MLLT10: variants seen among roughly 807,000 people sequenced by gnomAD.
MLLT10 encodes protein AF-10.
MLLT10 carries 30 observed loss-of-function variants against 129.1 expected under a neutral mutation model. The observed-to-expected ratio is 0.23, with a 90% CI of 0.17 to 0.32. The LOEUF is 0.32. MLLT10 is among the 10% of genes least tolerant of loss of function. The pLI is 1.00. For synonymous variants in MLLT10, 490 were observed against 446.4 expected (o/e 1.10, Z -1.23); for missense variants, 1,119 against 1,268.3 (o/e 0.88, Z 1.79).
chr10:21,644,108 A>G (rs1056970141), intron 8 of MLLT10, among the ~76,000 whole-genome samples: 1 of 151,552 alleles, frequency 6.6e-6, no homozygotes, highest in African/African-American at 2.4e-5. Context: ...ACCTTTTCCT[A>G]TTTTATCATC....
chr10:21,663,464 C>T (rs1228698519), intron 9 of MLLT10, among the ~76,000 whole-genome samples: 1 of 149,850 alleles, frequency 6.7e-6, no homozygotes, highest in Non-Finnish European at 1.5e-5. Context: ...GCAACTTCTG[C>T]TTCCCGGGTT....
At chr10:21,621,506 A>G (rs1401410406) in intron 8 of MLLT10, among the ~76,000 whole-genome samples, 1 of 152,092 alleles carries the variant, frequency 6.6e-6, no homozygotes, top group Non-Finnish European at 1.5e-5. Flanking sequence ...CGGCCTCCCA[A>G]AGTGCTGGGA....
At chr10:21,719,416 G>T (rs549139419) in intron 14 of MLLT10, among the ~76,000 whole-genome samples, 5 of 152,232 alleles carry the variant, frequency 3.3e-5, no homozygotes, top group East Asian at 1.9e-4. Context: ...TGATGAAAAG[G>T]TTCAGTCACA....
intron 1 of MLLT10, 44 bp downstream of exon 1, chr10:21,534,564 G>C: frequency 1.4e-6 from 2 of 1,417,442 alleles, no homozygotes; most frequent in Non-Finnish European, 1.9e-6. Flanking sequence ...GGGCGCCGGG[G>C]CGGGCTCGGG....
intron 8 of MLLT10, among the ~76,000 whole-genome samples, chr10:21,645,586 A>G (rs2048395821): frequency 6.6e-6 from 1 of 152,132 alleles, no homozygotes; most frequent in Non-Finnish European, 1.5e-5. Context: ...ACTTGTCTTG[A>G]TGATTAGTGA....
intron 8 of MLLT10, among the ~76,000 whole-genome samples, chr10:21,630,359 G>A (rs755868030): frequency 2.6e-5 from 4 of 152,196 alleles, no homozygotes; most frequent in Non-Finnish European, 4.4e-5. Flanking sequence ...TAACTGCAAG[G>A]TTATGAAGAA....
chr10:21,565,400 C>T (rs1457416273), intron 3 of MLLT10, among the ~76,000 whole-genome samples: 3 of 152,118 alleles, frequency 2.0e-5, no homozygotes, highest in East Asian at 3.9e-4. Context: ...CTCCGCCTTC[C>T]GGATTGAAGC....
chr10:21,588,309 C>T (rs2042189152), intron 4 of MLLT10, among the ~76,000 whole-genome samples: 1 of 152,164 alleles, frequency 6.6e-6, no homozygotes, highest in Admixed American at 6.5e-5. Context: ...TCAAATGATC[C>T]TACTGCCTCG....
At chr10:21,701,315 G>A (rs1248884886) in intron 13 of MLLT10, among the ~76,000 whole-genome samples, 1 of 146,146 alleles carries the variant, frequency 6.8e-6, no homozygotes, top group African/African-American at 2.5e-5. Flanking sequence ...AGGGAGAGGG[G>A]GTCTCTGTCT....
rs550725364 is a variant in MLLT10, at chr10:21,743,234, G to A, written c.*1251G>A. On this transcript the variant is annotated 3_prime_UTR_variant, in exon 23 of 23. Transcript: ENST00000307729. ...ACCTCCACTGTGTACTTAGCTGGAA[G>A]AACATGTTAATTCTGCAATATGTTT... 4 of 228,260 alleles carry A rather than the reference G, an allele frequency of 1.8e-5. No homozygotes were observed. The highest frequency in any genetic ancestry group is 1.8e-4 in the South Asian group (1 of 5,480). The allele number at this position is 228,260 out of a possible 1,614,324, so 14.1% of individuals were successfully genotyped here. A position where few individuals can be genotyped will look rare whatever the true frequency, so the allele number is the denominator to read the frequency against.
At chr10:21,684,745 T>A (rs1336838712) in intron 13 of MLLT10, among the ~76,000 whole-genome samples, 1 of 152,222 alleles carries the variant, frequency 6.6e-6, no homozygotes, top group Non-Finnish European at 1.5e-5. Flanking sequence ...ATAACATTTA[T>A]ACTCCTTCAC....
chr10:21,638,389 G>A lies in MLLT10; in HGVS notation c.700-13284G>A, dbSNP rs376373284. 5.9e-5 allele frequency among the ~76,000 whole-genome samples: 9 copies of A among 152,078 alleles called. No homozygotes were observed. In the East Asian group the frequency reaches 7.7e-4, roughly 13 times the overall value. On this transcript the variant is annotated intron_variant, in intron 8 of 22. Coordinates refer to ENST00000307729, the MANE Select transcript of MLLT10 (RefSeq NM_001195626.3). ...TATACCTTCAGATGTCCAGGCAGTA[G>A]TGAACATACAGTTTAATTCCCCAAA... is the stretch of plus-strand genomic sequence containing the variant.
chr10:21,625,212 G>A (rs938686227), intron 8 of MLLT10: 7 of 1,488,440 alleles, frequency 4.7e-6, no homozygotes, highest in African/African-American at 1.4e-5. Flanking sequence ...GCAGCTTGGC[G>A]CTCTTTCCTT....
rs559202233 is a variant in MLLT10 at position 21,667,082 on chromosome 10, T to A, written c.796-3367T>A. On this transcript the variant is annotated intron_variant, in intron 9 of 22. Coordinates refer to ENST00000307729, the MANE Select transcript of MLLT10 (RefSeq NM_001195626.3). ...ATTTTGTATTTGTTTTAGAAAGATA[T>A]TTTATAATAGCTGCCTGTGGAATTC... Among the ~76,000 whole-genome samples the A allele has an allele frequency of 1.3e-3, 194 of 152,286 alleles. 2 individuals carry two copies. Among genetic ancestry groups the A allele is most frequent in the African/African-American group, 4.4e-3 (182 of 41,576 alleles).
intron 3 of MLLT10, among the ~76,000 whole-genome samples, chr10:21,567,500 G>A (rs1443452004): frequency 5.3e-5 from 8 of 152,166 alleles, no homozygotes; most frequent in Non-Finnish European, 1.2e-4. Flanking sequence ...GATGGTGGTG[G>A]AAGTCCAGTC....
In MLLT10 at chr10:21,730,381, TTAATTTA is replaced by T. The variant is rs565598286; in HGVS notation, c.2064-515_2064-509del. ...GAAAATACTTGAAAATGAGTAATTT[TTAATTTA>T]TAACAAAAGGCTGCTTTAAGATTCT... On this transcript the variant is annotated intron_variant, in intron 16 of 22. Coordinates refer to ENST00000307729, the MANE Select transcript of MLLT10 (RefSeq NM_001195626.3). Among the ~76,000 whole-genome samples the T allele has an allele frequency of 1.4e-4, 21 of 152,284 alleles. No homozygotes were observed. The South Asian group carries it at 4.3e-3, about 32-fold the overall frequency.
intron 17 of MLLT10, among the ~76,000 whole-genome samples, chr10:21,732,081 G>T (rs146317886): frequency 1.5e-3 from 234 of 152,204 alleles, no homozygotes; most frequent in Non-Finnish European, 2.9e-3. Context: ...TGGAGGGGAG[G>T]GATAAAAGTT....
At chr10:21,554,110 A>G (rs954044223) in intron 3 of MLLT10, among the ~76,000 whole-genome samples, 1 of 152,184 alleles carries the variant, frequency 6.6e-6, no homozygotes, top group Non-Finnish European at 1.5e-5. Flanking sequence ...CTGTTTTGGA[A>G]TGTGAGTTTA....
chr10:21,598,116 A>T (rs1291061238), intron 5 of MLLT10, among the ~76,000 whole-genome samples: 2 of 151,826 alleles, frequency 1.3e-5, no homozygotes, highest in African/African-American at 2.4e-5. Flanking sequence ...TTCTAATTTC[A>T]CCCTTTCTTT....
Sources: gnomAD v4.1 joint callset for allele counts (sites outside exome capture counted in the v4.1 genomes callset) on GRCh38, gnomAD v4.1.1 for gene constraint, MANE v1.5 for transcripts, NCBI Gene and HGNC (gene_info 2026-07-23, HGNC 2026-07-21) for gene names.